CEP128: variants seen among roughly 807,000 people sequenced by gnomAD.
The protein encoded by CEP128 is centrosomal protein 128, also known as centrosomal protein 128kDa.
In CEP128, 132 loss-of-function variants were observed where a neutral mutation model predicts 156.7. The observed-to-expected ratio is 0.84, with a 90% CI of 0.73 to 0.97. The LOEUF (loss-of-function observed/expected upper bound fraction) is 0.97, where lower values mean the gene tolerates loss of function less well. Among genes scored for constraint, CEP128 ranks in the 50% least tolerant of loss-of-function variants. CEP128 has a pLI of 0.00. For missense variants in CEP128, 1,252 were observed against 1,281.9 expected, an observed-to-expected ratio of 0.98 and a Z score of 0.36; for synonymous variants, 469 against 448.9, an observed-to-expected ratio of 1.04 and a Z score of -0.57.
intron 23 of CEP128, among the ~76,000 whole-genome samples, chr14:80,509,003 G>C: frequency 6.6e-6 from 1 of 152,076 alleles, no homozygotes; most frequent in East Asian, 1.9e-4. Flanking sequence ...GGGGAAGTAA[G>C]GACCTACTTC....
chr14:80,690,525 A>G (rs540279107), intron 19 of CEP128, among the ~76,000 whole-genome samples: 29 of 152,270 alleles, frequency 1.9e-4, no homozygotes, highest in African/African-American at 7.0e-4. Flanking sequence ...AATTGTCACA[A>G]ACACACTTAT....
At chr14:80,718,543 G>A (rs1351403969) in intron 19 of CEP128, among the ~76,000 whole-genome samples, 1 of 152,228 alleles carries the variant, frequency 6.6e-6, no homozygotes, top group East Asian at 1.9e-4. Context: ...CGAAAGGACA[G>A]TGAGAATTTG....
rs369680107 is a variant in CEP128 at position 80,784,177 on chromosome 14, A to G, written c.2211+718T>C. Reference sequence around the variant, plus strand: ...TGTTGTAGGCACTGGGGATATAGCTAGAAGCAAAACAGACTAAAATCCCTA... The same window carrying G: ...TGTTGTAGGCACTGGGGATATAGCTGGAAGCAAAACAGACTAAAATCCCTA... On this transcript the variant is annotated intron_variant, in intron 15 of 24. Transcript: ENST00000555265. Among the ~76,000 whole-genome samples the G allele has an allele frequency of 2.4e-4, 37 of 152,292 alleles. No homozygotes were observed. In the East Asian group the frequency reaches 6.8e-3, roughly 28 times the overall value.
At chr14:80,729,057 GGGTGTGTGTGTGTGTGTGTGTGTGT>G (rs1898140039) in intron 19 of CEP128, among the ~76,000 whole-genome samples, 1 of 102,144 alleles carries the variant, frequency 9.8e-6, no homozygotes, top group Admixed American at 9.6e-5. Flanking sequence ...GGGCTGGTGG[GGGTGTGTGTGTGTGTGTGTGTGTGT>G]GTGTGTGTGT....
intron 19 of CEP128, among the ~76,000 whole-genome samples, chr14:80,722,891 A>G (rs1897878048): frequency 7.2e-6 from 1 of 139,752 alleles, no homozygotes. Context: ...CAATGGCGCG[A>G]TCTCGGCTCA....
At chr14:80,691,209 ATAACT>A (rs1270136683) in intron 19 of CEP128, among the ~76,000 whole-genome samples, 3 of 152,358 alleles carry the variant, frequency 2.0e-5, no homozygotes, top group African/African-American at 7.2e-5. Flanking sequence ...TACATTACAA[ATAACT>A]TTATTTTCTT....
Position 80,834,174 on chromosome 14 carries a change from T to G in CEP128, c.1057+2031A>C, listed in dbSNP as rs1031997857. On this transcript the variant is annotated intron_variant, in intron 12 of 24. Transcript: ENST00000555265. ...GTAACAAAAGCCATGAGTAGGATAG[T>G]AGGCAAAACCAACATTTAGAAGACA... is the stretch of plus-strand genomic sequence containing the variant. Among the ~76,000 whole-genome samples the G allele has an allele frequency of 1.4e-4, 22 of 152,104 alleles. 1 individual carries two copies. The highest frequency in any genetic ancestry group is 2.8e-4 in the Non-Finnish European group (19 of 68,010).
At chr14:80,886,421 A>G (rs1205317191) in intron 8 of CEP128, among the ~76,000 whole-genome samples, 1 of 152,254 alleles carries the variant, frequency 6.6e-6, no homozygotes, top group Non-Finnish European at 1.5e-5. Flanking sequence ...ATCAGACTAC[A>G]GCAGATCTCT....
intron 15 of CEP128, among the ~76,000 whole-genome samples, chr14:80,779,336 C>T (rs970828682): frequency 6.6e-6 from 1 of 152,118 alleles, no homozygotes; most frequent in East Asian, 1.9e-4. Context: ...ATTTACCCCA[C>T]AAAATTTACC....
At chr14:80,685,781 A>T (rs1379481152) in intron 19 of CEP128, among the ~76,000 whole-genome samples, 3 of 152,106 alleles carry the variant, frequency 2.0e-5, no homozygotes, top group East Asian at 1.9e-4. Context: ...AATAGAACAG[A>T]ATAGAAAACC....
chr14:80,522,510 A>C (rs1486317924), intron 23 of CEP128, among the ~76,000 whole-genome samples: 1 of 152,196 alleles, frequency 6.6e-6, no homozygotes, highest in Non-Finnish European at 1.5e-5. Flanking sequence ...CTGTATACTA[A>C]CTCTTCAACT....
chr14:80,948,504 T>C (rs1385305088), intron 2 of CEP128, among the ~76,000 whole-genome samples: 2 of 152,204 alleles, frequency 1.3e-5, no homozygotes, highest in African/African-American at 2.4e-5. Flanking sequence ...AGTTAAGCAA[T>C]ATAACTAATC....
intron 19 of CEP128, among the ~76,000 whole-genome samples, chr14:80,719,464 T>A (rs1897732944): frequency 2.6e-5 from 4 of 152,190 alleles, no homozygotes; most frequent in Admixed American, 2.6e-4. Flanking sequence ...CCTGTATCAG[T>A]TTCAGTGCCA....
chr14:80,627,937 A>T (rs757827107), intron 19 of CEP128, among the ~76,000 whole-genome samples: 14 of 152,130 alleles, frequency 9.2e-5, no homozygotes, highest in Non-Finnish European at 1.3e-4. Context: ...TTTTCAAGTG[A>T]CCTAACCCAT....
upstream of CEP128, among the ~76,000 whole-genome samples, chr14:80,946,718 G>C (rs866271978): frequency 1.3e-5 from 2 of 152,152 alleles, no homozygotes; most frequent in Non-Finnish European, 2.9e-5. Flanking sequence ...AGGTAGTGCC[G>C]TTTCAAGGAG....
intron 21 of CEP128, among the ~76,000 whole-genome samples, chr14:80,545,437 G>T (rs935166600): frequency 1.3e-5 from 2 of 152,158 alleles, no homozygotes; most frequent in Non-Finnish European, 1.5e-5. Context: ...CCACTAATTT[G>T]TTTTTAACTG....
chr14:80,903,509 T>C (rs775255661), intron 6 of CEP128, among the ~76,000 whole-genome samples: 1 of 151,792 alleles, frequency 6.6e-6, no homozygotes, highest in Non-Finnish European at 1.5e-5. Context: ...TGAGATCACA[T>C]CAAAATATAA....
intron 19 of CEP128, among the ~76,000 whole-genome samples, chr14:80,740,289 A>C (rs1898744947): frequency 6.6e-6 from 1 of 152,136 alleles, no homozygotes; most frequent in Non-Finnish European, 1.5e-5. Context: ...CCTTCATAGA[A>C]ACTCTATGCT....
chr14:80,631,309 A>G (rs1893949910), intron 19 of CEP128, among the ~76,000 whole-genome samples: 1 of 152,012 alleles, frequency 6.6e-6, no homozygotes, highest in Non-Finnish European at 1.5e-5. Context: ...GAAAACTATT[A>G]CAAGACTCAG....
Sources: gnomAD v4.1 joint callset for allele counts (sites outside exome capture counted in the v4.1 genomes callset) on GRCh38, gnomAD v4.1.1 for gene constraint, MANE v1.5 for transcripts, NCBI Gene and HGNC (gene_info 2026-07-23, HGNC 2026-07-21) for gene names.